The following KIAA2012 variants were observed in gnomAD, a reference collection of about 807,000 sequenced individuals.
KIAA2012 encodes the protein uncharacterized protein KIAA2012.
KIAA2012 carries 125 observed loss-of-function variants against 150.6 expected under a neutral mutation model. The ratio of observed to expected loss-of-function variants is 0.83; its 90% CI spans 0.72 to 0.96. The LOEUF (loss-of-function observed/expected upper bound fraction) is 0.96. Ranked by LOEUF, KIAA2012 falls within the 40% of genes least tolerant of loss-of-function variation. The pLI, the probability that KIAA2012 is intolerant of heterozygous loss-of-function variation, is 0.00. For synonymous variants in KIAA2012, 462 were observed against 504.7 expected, an observed-to-expected ratio of 0.92 and a Z score of 1.13; for missense variants, 1,219 against 1,354.9, an observed-to-expected ratio of 0.90 and a Z score of 1.57.
At chr2:202,101,978 G>A (rs1223633146) in intron 7 of KIAA2012, among the ~76,000 whole-genome samples, 1 of 152,012 alleles carries the variant, frequency 6.6e-6, no homozygotes, top group Non-Finnish European at 1.5e-5. Flanking sequence ...TTTGGCCCAG[G>A]AGCAAACAGC....
chr2:202,125,173 C>T, intron 11 of KIAA2012, 41 bp from the exon 12 acceptor site: 5 of 1,487,228 alleles, frequency 3.4e-6, no homozygotes, highest in Non-Finnish European at 4.6e-6. Context: ...TTTTACAAGA[C>T]TTTTTCCCGC....
At chr2:202,166,673 CA>C (rs35119948) in intron 15 of KIAA2012, among the ~76,000 whole-genome samples, 50,925 of 144,870 alleles carry the variant, frequency 0.35, 8,771 homozygotes, top group South Asian at 0.41. Flanking sequence ...AAAACAAAAA[CA>C]AAAAAAAAAA....
At chr2:202,129,398 T>G (rs1690872536) in intron 12 of KIAA2012, among the ~76,000 whole-genome samples, 1 of 151,956 alleles carries the variant, frequency 6.6e-6, no homozygotes, top group Non-Finnish European at 1.5e-5. Flanking sequence ...TTTTGTAATT[T>G]TAGTAGAGAT....
chr2:202,090,662 C>A (rs867053600), intron 2 of KIAA2012, 108 bp from the exon 3 acceptor site: 1 of 1,312,584 alleles, frequency 7.6e-7, no homozygotes, highest in Middle Eastern at 1.9e-4. Flanking sequence ...CTTCTGGCAC[C>A]TTCTGGGAGT....
chr2:202,081,953 A>G (rs931839777), intron 2 of KIAA2012, among the ~76,000 whole-genome samples: 1 of 152,156 alleles, frequency 6.6e-6, no homozygotes, highest in African/African-American at 2.4e-5. Context: ...ACCTCGTTAC[A>G]ACATCAACAC....
At position 202,090,723 on chromosome 2, in the gene KIAA2012, G is replaced by A. The variant is rs1044150187; in HGVS notation, c.370-47G>A. The A allele has an allele frequency of 8.6e-6, 13 of 1,510,116 alleles. No individual in the cohort carries two copies. In the Admixed American group the frequency reaches 2.5e-4, roughly 29 times the overall value. 93.5% of individuals were successfully genotyped at this position (1,510,116 alleles called of 1,614,324 possible). A position where few individuals can be genotyped will look rare whatever the true frequency, so the allele number is the denominator to read the frequency against. On this transcript the variant is annotated intron_variant, in intron 2 of 23. Transcript: ENST00000498697. ...GCTAACCAGCCTGTATCACTGGGTG[G>A]CTCAGGGGTCAGCAGCTGTGCTGTT...
intron 13 of KIAA2012, among the ~76,000 whole-genome samples, chr2:202,143,033 A>G (rs4673229): frequency 0.67 from 97,580 of 146,586 alleles, 32,999 homozygotes; most frequent in African/African-American, 0.77. Flanking sequence ...CCAAATGCCC[A>G]CTGGGGAGCG....
chr2:202,113,546 A>T, intron 11 of KIAA2012, 100 bp downstream of exon 11: 1 of 749,442 alleles, frequency 1.3e-6, no homozygotes, highest in East Asian at 2.7e-5. Context: ...GACATCATTA[A>T]AAACAGACGC....
intron 15 of KIAA2012, chr2:202,179,350 T>G: frequency 1.0e-6 from 1 of 974,538 alleles, no homozygotes. Flanking sequence ...CTGATAAACT[T>G]GTCCGGATTG....
intron 2 of KIAA2012, 33 bp downstream of exon 2, chr2:202,075,208 G>T (rs1162992915): frequency 6.7e-7 from 1 of 1,497,718 alleles, no homozygotes; most frequent in Non-Finnish European, 8.9e-7. Context: ...TTTGGGGAAG[G>T]TGCTGGTAGC....
At chr2:202,171,010 C>G (rs896391529) in intron 15 of KIAA2012, among the ~76,000 whole-genome samples, 1 of 152,150 alleles carries the variant, frequency 6.6e-6, no homozygotes, top group Non-Finnish European at 1.5e-5. Flanking sequence ...CCCAGGCTGT[C>G]TGCATAGATT....
At chr2:202,140,217 G>C (rs1559218090) in intron 13 of KIAA2012, among the ~76,000 whole-genome samples, 1 of 152,102 alleles carries the variant, frequency 6.6e-6, no homozygotes, top group Non-Finnish European at 1.5e-5. Flanking sequence ...AACAGAGCAA[G>C]ACTCCGTCTC....
At chr2:202,183,419 CAA>C (rs1235156565) in intron 15 of KIAA2012, among the ~76,000 whole-genome samples, 4 of 39,842 alleles carry the variant, frequency 1.0e-4, no homozygotes, top group African/African-American at 1.0e-4. Flanking sequence ...GGCTCTGTCT[CAA>C]AAAAAAAAAA....
At chr2:202,129,351 G>A (rs1339512826) in intron 12 of KIAA2012, among the ~76,000 whole-genome samples, 1 of 151,588 alleles carries the variant, frequency 6.6e-6, no homozygotes, top group Non-Finnish European at 1.5e-5. Flanking sequence ...TCTCTACTAG[G>A]TGGGATTACG....
At chr2:202,160,200 G>A (rs1425715741) in intron 14 of KIAA2012, among the ~76,000 whole-genome samples, 1 of 151,670 alleles carries the variant, frequency 6.6e-6, no homozygotes, top group Non-Finnish European at 1.5e-5. Flanking sequence ...TGTGTACCTA[G>A]TTGTACTTCT....
At chr2:202,118,906 T>A (rs1224445562) in intron 11 of KIAA2012, among the ~76,000 whole-genome samples, 1 of 152,234 alleles carries the variant, frequency 6.6e-6, no homozygotes, top group Non-Finnish European at 1.5e-5. Context: ...AAACCTCTTG[T>A]GATTCCTAGA....
intron 2 of KIAA2012, among the ~76,000 whole-genome samples, chr2:202,078,119 A>G (rs1689363941): frequency 6.6e-6 from 1 of 152,258 alleles, no homozygotes; most frequent in Non-Finnish European, 1.5e-5. Context: ...AGATCTATGC[A>G]GAAAAACATT....
chr2:202,124,720 C>T (rs1241692880), intron 11 of KIAA2012, among the ~76,000 whole-genome samples: 1 of 152,156 alleles, frequency 6.6e-6, no homozygotes, highest in Non-Finnish European at 1.5e-5. Flanking sequence ...TTCCTCAATG[C>T]TTTTTTAATC....
chr2:202,151,587 A>C (rs1367294673), intron 13 of KIAA2012, among the ~76,000 whole-genome samples: 6 of 152,012 alleles, frequency 3.9e-5, no homozygotes, highest in Non-Finnish European at 8.8e-5. Flanking sequence ...CCTCCCTCCT[A>C]GCACCATTGT....
Sources: gnomAD v4.1 joint callset for allele counts (sites outside exome capture counted in the v4.1 genomes callset) on GRCh38, gnomAD v4.1.1 for gene constraint, MANE v1.5 for transcripts, NCBI Gene and HGNC (gene_info 2026-07-23, HGNC 2026-07-21) for gene names.